TMEM135: variants seen among roughly 807,000 people sequenced by gnomAD.
TMEM135 encodes peroxisomal membrane protein 52.
Under a neutral mutation model 60.3 loss-of-function variants are expected in TMEM135, and 30 were observed. The observed-to-expected ratio is 0.50, with a 90% CI of 0.37 to 0.68. The LOEUF is 0.68. Among genes scored for constraint, TMEM135 ranks in the 30% least tolerant of loss-of-function variants. The pLI is 0.00. For synonymous variants in TMEM135, 190 were observed against 186.7 expected (o/e 1.02, Z -0.14); for missense variants, 468 against 548.8 (o/e 0.85, Z 1.47).
intron 5 of TMEM135, among the ~76,000 whole-genome samples, chr11:87,187,431 A>G (rs946240062): frequency 7.9e-5 from 12 of 152,210 alleles, no homozygotes; most frequent in Non-Finnish European, 1.2e-4. Context: ...GAGTTGGAAC[A>G]CTAACTGCCA....
Position 87,321,772 on chromosome 11 carries a change from T to C in TMEM135, c.*439T>C. The C allele has an allele frequency of 4.4e-6, 2 of 454,770 alleles. No individual in the cohort carries two copies. The highest frequency in any genetic ancestry group is 8.8e-6 in the Non-Finnish European group (2 of 226,962). The allele number at this position is 454,770 out of a possible 1,614,324, so 28.2% of individuals were successfully genotyped here. A position where few individuals can be genotyped will look rare whatever the true frequency, so the allele number is the denominator to read the frequency against. Reference sequence around the variant, plus strand: ...CGGGTACATGGATTTGGTCTATATATTTTTTTAAAGTTTTGAATTGGTATC... The same window carrying C: ...CGGGTACATGGATTTGGTCTATATACTTTTTTAAAGTTTTGAATTGGTATC... On this transcript the variant is annotated 3_prime_UTR_variant, in exon 15 of 15. Coordinates refer to ENST00000305494, the MANE Select transcript of TMEM135 (RefSeq NM_022918.4).
intron 1 of TMEM135, among the ~76,000 whole-genome samples, chr11:87,050,588 A>G (rs1949832918): frequency 2.6e-5 from 1 of 38,632 alleles, no homozygotes; most frequent in Non-Finnish European, 3.9e-5. Flanking sequence ...ATTCCTCCAC[A>G]CATACACTCT....
Position 87,326,820 on chromosome 11 carries a change from G to A in TMEM135, c.*5487G>A, listed in dbSNP as rs1296134457. ...CGGCAGTTTTTGATAGCCTGTCACT[G>A]CTCAGGGATAGCACTAAGGCTCTCT... is the stretch of plus-strand genomic sequence containing the variant. On this transcript the variant is annotated 3_prime_UTR_variant, in exon 15 of 15. Coordinates refer to ENST00000305494, the MANE Select transcript of TMEM135 (RefSeq NM_022918.4). 2 of 448,888 alleles carry A rather than the reference G, an allele frequency of 4.5e-6. No homozygotes were observed. Among genetic ancestry groups the A allele is most frequent in the Non-Finnish European group, 8.9e-6 (2 of 225,662 alleles). 27.8% of individuals were successfully genotyped at this position (448,888 alleles called of 1,614,324 possible). A position where few individuals can be genotyped will look rare whatever the true frequency, so the allele number is the denominator to read the frequency against.
At chr11:87,098,431 A>G (rs1300138952) in intron 4 of TMEM135, among the ~76,000 whole-genome samples, 1 of 152,164 alleles carries the variant, frequency 6.6e-6, no homozygotes, top group Admixed American at 6.5e-5. Flanking sequence ...TAAAAGATAC[A>G]AAGATTAAAA....
chr11:87,157,318 T>G (rs1162863061), intron 4 of TMEM135, 23 bp from the exon 5 acceptor site: 2 of 1,565,572 alleles, frequency 1.3e-6, no homozygotes, highest in Non-Finnish European at 1.7e-6. Flanking sequence ...ATATTTTTGC[T>G]GTTTTTTTTT....
intron 6 of TMEM135, among the ~76,000 whole-genome samples, chr11:87,240,653 C>G (rs968629828): frequency 1.3e-5 from 2 of 151,982 alleles, no homozygotes; most frequent in African/African-American, 2.4e-5. Flanking sequence ...AAGAAAAATG[C>G]AACATTTAAA....
chr11:87,187,762 G>T (rs566024925), intron 5 of TMEM135, among the ~76,000 whole-genome samples: 43 of 152,254 alleles, frequency 2.8e-4, no homozygotes, highest in African/African-American at 1.0e-3. Context: ...TTGTAAAATT[G>T]CAAAGAAAAC....
chr11:87,128,549 C>T (rs188287383), intron 4 of TMEM135, among the ~76,000 whole-genome samples: 4 of 152,184 alleles, frequency 2.6e-5, no homozygotes, highest in African/African-American at 9.6e-5. Context: ...ATTTGTTGAA[C>T]AAATAATTAT....
chr11:87,104,182 G>T (rs559506693), intron 4 of TMEM135, among the ~76,000 whole-genome samples: 3 of 152,194 alleles, frequency 2.0e-5, no homozygotes, highest in African/African-American at 7.2e-5. Flanking sequence ...GTTTATTGAG[G>T]AGACTTGTTC....
chr11:87,080,075 C>T (rs1248727189), intron 3 of TMEM135, among the ~76,000 whole-genome samples: 6 of 151,182 alleles, frequency 4.0e-5, no homozygotes, highest in East Asian at 1.9e-4. Flanking sequence ...CTCCTGACCT[C>T]GTGATCTGCC....
intron 8 of TMEM135, among the ~76,000 whole-genome samples, chr11:87,304,176 G>A (rs1407365596): frequency 6.6e-6 from 1 of 152,152 alleles, no homozygotes; most frequent in East Asian, 1.9e-4. Flanking sequence ...TTTGAGACCA[G>A]CCTAGGCAAC....
At chr11:87,254,758 A>G (rs956565808) in intron 6 of TMEM135, among the ~76,000 whole-genome samples, 4 of 152,286 alleles carry the variant, frequency 2.6e-5, no homozygotes, top group East Asian at 1.9e-4. Context: ...CCACAATCCC[A>G]TATTTGGAGC....
At chr11:87,105,440 G>C (rs188267187) in intron 4 of TMEM135, among the ~76,000 whole-genome samples, 8 of 152,124 alleles carry the variant, frequency 5.3e-5, no homozygotes, top group Non-Finnish European at 1.0e-4. Flanking sequence ...CAACTCCCAC[G>C]GACCCACCCC....
chr11:87,116,408 A>G (rs1857880360), intron 4 of TMEM135, among the ~76,000 whole-genome samples: 1 of 152,254 alleles, frequency 6.6e-6, no homozygotes, highest in Non-Finnish European at 1.5e-5. Context: ...ATAAAAAATT[A>G]TCACTAACAG....
chr11:87,306,426 A>G (rs998969301), intron 9 of TMEM135, among the ~76,000 whole-genome samples: 1 of 152,216 alleles, frequency 6.6e-6, no homozygotes, highest in Non-Finnish European at 1.5e-5. Flanking sequence ...CACTGTGCCA[A>G]GTCTGTTACA....
Position 87,202,730 on chromosome 11 carries a change from T to TA in TMEM135, c.463-33891dup, listed in dbSNP as rs201573717. On this transcript the variant is annotated intron_variant, in intron 5 of 14. Transcript: ENST00000305494. ...CCAAGTGAATTTTTTTAAAAGACTTTAAAAAAAAAAAAAAAAAGCAGACCG... is the reference window on the plus strand; with the variant it reads ...CCAAGTGAATTTTTTTAAAAGACTTTAAAAAAAAAAAAAAAAAAGCAGACCG... 6.1e-3 allele frequency among the ~76,000 whole-genome samples: 817 copies of TA among 134,398 alleles called. 10 individuals are homozygous for TA. Among genetic ancestry groups the TA allele is most frequent in the African/African-American group, 0.014 (516 of 36,284 alleles). 88.2% of individuals were successfully genotyped at this position (134,398 alleles called of 152,430 possible).
chr11:87,133,013 G>C (rs912895243), intron 4 of TMEM135, among the ~76,000 whole-genome samples: 2 of 152,160 alleles, frequency 1.3e-5, no homozygotes, highest in Non-Finnish European at 2.9e-5. Flanking sequence ...CAGGACAGTC[G>C]ATGTGGTAAC....
chr11:87,046,268 G>T (rs1447793941), intron 1 of TMEM135, among the ~76,000 whole-genome samples: 4 of 152,294 alleles, frequency 2.6e-5, no homozygotes, highest in African/African-American at 9.6e-5. Flanking sequence ...AGCCAGCGTG[G>T]TGGTGGGCAT....
chr11:87,178,326 C>G, intron 5 of TMEM135: 1 of 442,694 alleles, frequency 2.3e-6, no homozygotes, highest in South Asian at 1.6e-5. Flanking sequence ...GAACAAAGTC[C>G]AGATATATTT....
Sources: gnomAD v4.1 joint callset for allele counts (sites outside exome capture counted in the v4.1 genomes callset) on GRCh38, gnomAD v4.1.1 for gene constraint, MANE v1.5 for transcripts, NCBI Gene and HGNC (gene_info 2026-07-23, HGNC 2026-07-21) for gene names.